Variants in SEL1L3 observed in about 807,000 individuals in gnomAD.
SEL1L3 encodes SEL1L family member 3.
Under a neutral mutation model 142.8 loss-of-function variants are expected in SEL1L3, and 76 were observed. The ratio of observed to expected loss-of-function variants is 0.53; its 90% CI spans 0.44 to 0.64. The LOEUF (loss-of-function observed/expected upper bound fraction) is 0.64, where lower values mean the gene tolerates loss of function less well. Ranked by LOEUF, SEL1L3 falls within the 30% of genes least tolerant of loss-of-function variation. The pLI is 0.00. For synonymous variants in SEL1L3, 504 were observed against 519.6 expected, an observed-to-expected ratio of 0.97 and a Z score of 0.41; for missense variants, 1,262 against 1,381.7, an observed-to-expected ratio of 0.91 and a Z score of 1.37.
chr4:25,797,213 G>A (rs1261217042), intron 11 of SEL1L3, among the ~76,000 whole-genome samples: 1 of 150,492 alleles, frequency 6.6e-6, no homozygotes, highest in Non-Finnish European at 1.5e-5. Context: ...AAACCCTCTA[G>A]TTGTTGCAGC....
At chr4:25,751,604 A>G (rs753776639) in intron 23 of SEL1L3, among the ~76,000 whole-genome samples, 1 of 151,798 alleles carries the variant, frequency 6.6e-6, no homozygotes, top group African/African-American at 2.4e-5. Flanking sequence ...GGAGTCAAAC[A>G]CAAGTTCCCT....
At chr4:25,860,384 A>T in intron 1 of SEL1L3, among the ~76,000 whole-genome samples, 1 of 152,140 alleles carries the variant, frequency 6.6e-6, no homozygotes, top group East Asian at 1.9e-4. Flanking sequence ...GCATTCCTTG[A>T]TTGAGCAAAA....
chr4:25,767,487 C>T (rs1450401125), intron 19 of SEL1L3, 38 bp downstream of exon 19: 3 of 1,084,636 alleles, frequency 2.8e-6, no homozygotes, highest in Admixed American at 3.9e-5. Context: ...ATTAAAAACA[C>T]CTAATGCTTC....
At chr4:25,839,469 G>A (rs750640246) in intron 2 of SEL1L3, among the ~76,000 whole-genome samples, 1 of 152,108 alleles carries the variant, frequency 6.6e-6, no homozygotes, top group Non-Finnish European at 1.5e-5. Flanking sequence ...ATAAATTACG[G>A]TCTGTCAGGC....
chr4:25,744,896 C>T (rs958893446), downstream of SEL1L3, among the ~76,000 whole-genome samples: 1 of 152,220 alleles, frequency 6.6e-6, no homozygotes, highest in Admixed American at 6.5e-5. Context: ...ATCCTGCTGA[C>T]GCCTTGATCT....
chr4:25,765,512 C>T (rs1718659451), intron 19 of SEL1L3, 77 bp from the exon 20 acceptor site: 5 of 884,982 alleles, frequency 5.6e-6, no homozygotes, highest in East Asian at 2.4e-5. Flanking sequence ...GGCGCATTCA[C>T]ATGAATGCAA....
Position 25,862,968 on chromosome 4 carries a change from G to C in SEL1L3, c.-132C>G. ...CGCGGGGCCACCTGCCGCCACCTCC[G>C]GACCCGCCGCCGCCGCCACTGCCGC... On this transcript the variant is annotated 5_prime_UTR_variant, in exon 1 of 24. Transcript: ENST00000399878. The C allele has an allele frequency of 3.9e-6, 2 of 510,304 alleles. No homozygotes were observed. The highest frequency in any genetic ancestry group is 4.7e-6 in the Non-Finnish European group (2 of 423,470). The allele number at this position is 510,304 out of a possible 1,614,324, so 31.6% of individuals were successfully genotyped here. A position where few individuals can be genotyped will look rare whatever the true frequency, so the allele number is the denominator to read the frequency against.
At chr4:25,730,174 C>T in the SEL1L3 span, among the ~76,000 whole-genome samples, 1 of 151,996 alleles carries the variant, frequency 6.6e-6, no homozygotes, top group Non-Finnish European at 1.5e-5. Flanking sequence ...CCTCAAGTGA[C>T]CCGCCCACCT....
Position 25,774,685 on chromosome 4 carries a change from C to A in SEL1L3, c.2669+1592G>T, listed in dbSNP as rs62411793. ...GACCAGCCTGGCCAACATGAAGAAA[C>A]CCTCTCTACTAAAAATACAAAAATT... On this transcript the variant is annotated intron_variant, in intron 17 of 23. Transcript: ENST00000399878. Among the ~76,000 whole-genome samples, 413 of 152,252 alleles carry A rather than the reference C, an allele frequency of 2.7e-3. 2 individuals carry two copies. The highest frequency in any genetic ancestry group is 4.8e-3 in the Non-Finnish European group (328 of 68,022).
At chr4:25,833,804 C>T (rs1175806001) in intron 3 of SEL1L3, among the ~76,000 whole-genome samples, 2 of 152,180 alleles carry the variant, frequency 1.3e-5, no homozygotes, top group African/African-American at 4.8e-5. Context: ...AGACTTTCTA[C>T]CTTGCACCAA....
chr4:25,781,833 CATT>C (rs1488908227), intron 15 of SEL1L3, among the ~76,000 whole-genome samples: 1 of 152,162 alleles, frequency 6.6e-6, no homozygotes, highest in Non-Finnish European at 1.5e-5. Context: ...ATTGTGTTTT[CATT>C]ATTATTAAAA....
chr4:25,749,792 C>T (rs1372372909), intron 23 of SEL1L3, among the ~76,000 whole-genome samples: 2 of 152,144 alleles, frequency 1.3e-5, no homozygotes, highest in Non-Finnish European at 2.9e-5. Flanking sequence ...ATGGGCCAAA[C>T]GTAGTCATTG....
At chr4:25,844,039 A>G (rs145506165) in intron 2 of SEL1L3, among the ~76,000 whole-genome samples, 31 of 152,370 alleles carry the variant, frequency 2.0e-4, no homozygotes, top group African/African-American at 7.5e-4. Flanking sequence ...GGGCCATCGT[A>G]GGACACCAGG....
chr4:25,782,608 G>A (rs1035288722), intron 14 of SEL1L3, among the ~76,000 whole-genome samples, 190 bp from the exon 15 acceptor site: 1 of 152,180 alleles, frequency 6.6e-6, no homozygotes, highest in Non-Finnish European at 1.5e-5. Flanking sequence ...CTTCCCAGGT[G>A]TGTTTCACCC....
At chr4:25,797,105 A>G (rs956560891) in intron 11 of SEL1L3, among the ~76,000 whole-genome samples, 1 of 151,298 alleles carries the variant, frequency 6.6e-6, no homozygotes, top group Non-Finnish European at 1.5e-5. Flanking sequence ...AAGGAAGTGG[A>G]AAAGAGAGAA....
chr4:25,858,559 TTTG>T (rs1368698172), intron 1 of SEL1L3, among the ~76,000 whole-genome samples: 59 of 151,840 alleles, frequency 3.9e-4, no homozygotes, highest in African/African-American at 1.4e-3. Flanking sequence ...TTGTTTTGTT[TTTG>T]TTTTTTTTGA....
At chr4:25,767,259 C>T (rs766802190) in intron 19 of SEL1L3, among the ~76,000 whole-genome samples, 12 of 152,076 alleles carry the variant, frequency 7.9e-5, no homozygotes, top group East Asian at 1.9e-4. Context: ...CACTCCAGCC[C>T]GGGGAACAGA....
chr4:25,756,047 G>C, intron 23 of SEL1L3: 1 of 985,362 alleles, frequency 1.0e-6, no homozygotes, highest in Non-Finnish European at 1.2e-6. Context: ...AAATGATTTC[G>C]CATTAGCTTC....
intron 6 of SEL1L3, among the ~76,000 whole-genome samples, chr4:25,825,964 G>A (rs1211361534): frequency 1.3e-5 from 2 of 151,912 alleles, no homozygotes; most frequent in Non-Finnish European, 2.9e-5. Context: ...AAGCCACCAC[G>A]CCCGGCCGGC....
Sources: allele counts gnomAD v4.1 joint callset (sites outside exome capture counted in the v4.1 genomes callset), GRCh38; gene constraint gnomAD v4.1.1; transcripts MANE v1.5; gene names NCBI Gene and HGNC (gene_info 2026-07-23, HGNC 2026-07-21).